MACROD2: variants seen among roughly 807,000 people sequenced by gnomAD.
MACROD2 encodes the protein mono-ADP ribosylhydrolase 2, also known as ADP-ribose glycohydrolase MACROD2.
Under a neutral mutation model 70.4 loss-of-function variants are expected in MACROD2, and 36 were observed. The ratio of observed to expected loss-of-function variants is 0.51; its 90% CI spans 0.39 to 0.68. The LOEUF is 0.68. MACROD2 is among the 30% of genes least tolerant of loss of function. The pLI, the probability that MACROD2 is intolerant of heterozygous loss-of-function variation, is 0.00. For missense variants in MACROD2, 496 were observed against 538.4 expected, an observed-to-expected ratio of 0.92 and a Z score of 0.78; for synonymous variants, 172 against 178.8, an observed-to-expected ratio of 0.96 and a Z score of 0.30.
intron 8 of MACROD2, among the ~76,000 whole-genome samples, chr20:15,561,108 G>A (rs571637549): frequency 5.5e-4 from 83 of 152,254 alleles, no homozygotes; most frequent in Non-Finnish European, 1.0e-3. Flanking sequence ...TCCTGACATG[G>A]AGGCAGTGAG....
At chr20:14,220,034 A>G (rs921418726) in intron 3 of MACROD2, among the ~76,000 whole-genome samples, 42 of 152,102 alleles carry the variant, frequency 2.8e-4, no homozygotes, top group African/African-American at 9.4e-4. Flanking sequence ...CACTTTCCAG[A>G]GAGCATCAGC....
chr20:14,007,946 A>C (rs965575398), intron 2 of MACROD2, among the ~76,000 whole-genome samples: 45 of 152,336 alleles, frequency 3.0e-4, no homozygotes, highest in Admixed American at 2.7e-3. Context: ...AAATTATAAA[A>C]TTATCTTATA....
chr20:15,026,792 C>A (rs1024029930), intron 5 of MACROD2, among the ~76,000 whole-genome samples: 1 of 152,078 alleles, frequency 6.6e-6, no homozygotes, highest in African/African-American at 2.4e-5. Flanking sequence ...CATGCCAATA[C>A]GCATTCAGAG....
At position 15,330,261 on chromosome 20, in the gene MACROD2, C is replaced by T. The variant is rs1023960621; in HGVS notation, c.540+100200C>T. The stretch of plus-strand genomic sequence containing the variant: ...CGAGCAATGGGCCAGGAAAAGACAT[C>T]TTTTCCTCCCCTACAACGTGTTTTA... On this transcript the variant is annotated intron_variant, in intron 6 of 17. Coordinates refer to ENST00000684519, the MANE Select transcript of MACROD2 (RefSeq NM_001351661.2). 2.0e-5 allele frequency among the ~76,000 whole-genome samples: 3 copies of T among 151,444 alleles called. No homozygotes were observed. In the South Asian group the frequency reaches 6.3e-4, roughly 32 times the overall value.
chr20:15,408,569 G>A lies in MACROD2; in HGVS notation c.541-22836G>A, dbSNP rs370849435. Among the ~76,000 whole-genome samples, 63 of 152,278 alleles carry A rather than the reference G, an allele frequency of 4.1e-4. 1 individual carries two copies. The South Asian group carries it at 0.01, about 25-fold the overall frequency. The stretch of plus-strand genomic sequence containing the variant: ...GTGAAGATTCCAGAAGAAGTGAATC[G>A]GAGCAAAGTCCTCACTAAATGAAAG... On this transcript the variant is annotated intron_variant, in intron 6 of 17. Coordinates refer to ENST00000684519, the MANE Select transcript of MACROD2 (RefSeq NM_001351661.2).
At chr20:14,707,087 G>A (rs1036799194) in intron 5 of MACROD2, among the ~76,000 whole-genome samples, 11 of 152,108 alleles carry the variant, frequency 7.2e-5, no homozygotes, top group Non-Finnish European at 1.5e-4. Flanking sequence ...CAGGATCCCA[G>A]ATTTTATAAA....
At chr20:14,527,625 G>A (rs2085250659) in intron 4 of MACROD2, among the ~76,000 whole-genome samples, 1 of 152,156 alleles carries the variant, frequency 6.6e-6, no homozygotes, top group Non-Finnish European at 1.5e-5. Context: ...AATACTCTGG[G>A]GACAATGTCT....
chr20:14,505,290 T>G (rs1186995794), intron 4 of MACROD2, among the ~76,000 whole-genome samples: 1 of 152,178 alleles, frequency 6.6e-6, no homozygotes, highest in African/African-American at 2.4e-5. Flanking sequence ...AGTACTAAAT[T>G]TCAACTCCCA....
chr20:14,263,473 T>TG (rs1459033038), intron 3 of MACROD2, among the ~76,000 whole-genome samples: 1 of 152,014 alleles, frequency 6.6e-6, no homozygotes, highest in Non-Finnish European at 1.5e-5. Context: ...GGGAGAGGAA[T>TG]GTCCTAGCTT....
At chr20:15,210,438 A>T (rs1477007435) in intron 5 of MACROD2, among the ~76,000 whole-genome samples, 2 of 152,160 alleles carry the variant, frequency 1.3e-5, no homozygotes, top group South Asian at 4.2e-4. Context: ...GGGCACAGTC[A>T]ATATCAAATA....
intron 5 of MACROD2, among the ~76,000 whole-genome samples, chr20:15,123,959 A>G (rs2076048512): frequency 6.6e-6 from 1 of 151,878 alleles, no homozygotes; most frequent in Admixed American, 6.6e-5. Context: ...AAACTTTCTG[A>G]CTCTCAGCTT....
intron 3 of MACROD2, among the ~76,000 whole-genome samples, chr20:14,108,917 C>G (rs1052143384): frequency 6.6e-6 from 1 of 151,994 alleles, no homozygotes; most frequent in Admixed American, 6.6e-5. Flanking sequence ...CCAAATGGAC[C>G]TATTAGATAT....
chr20:14,395,908 C>T (rs2083575357), intron 3 of MACROD2, among the ~76,000 whole-genome samples: 1 of 152,086 alleles, frequency 6.6e-6, no homozygotes, highest in African/African-American at 2.4e-5. Context: ...ATCTTTCTGT[C>T]ATGGATTTTT....
At chr20:15,403,628 A>T (rs2045959956) in intron 6 of MACROD2, among the ~76,000 whole-genome samples, 2 of 152,148 alleles carry the variant, frequency 1.3e-5, no homozygotes, top group Non-Finnish European at 2.9e-5. Flanking sequence ...ATTGTGTGTC[A>T]TGGTTCTGGG....
chr20:14,826,238 A>G (rs2072901350), intron 5 of MACROD2, among the ~76,000 whole-genome samples: 1 of 152,000 alleles, frequency 6.6e-6, no homozygotes, highest in African/African-American at 2.4e-5. Context: ...AAAAAAAATG[A>G]AACACAAGCC....
chr20:15,979,981 A>T (rs35618493), intron 13 of MACROD2, among the ~76,000 whole-genome samples: 22,379 of 152,104 alleles, frequency 0.15, 2,335 homozygotes, highest in East Asian at 0.27. Flanking sequence ...AGCTCCCCGA[A>T]TGCACAATTT....
chr20:15,031,279 T>C (rs998910438), intron 5 of MACROD2, among the ~76,000 whole-genome samples: 1 of 152,226 alleles, frequency 6.6e-6, no homozygotes, highest in East Asian at 1.9e-4. Context: ...GCCCTAGGTC[T>C]GAGCTCCCCA....
Position 14,135,690 on chromosome 20 carries a change from C to A in MACROD2, c.271+49962C>A, listed in dbSNP as rs1001916612. On this transcript the variant is annotated intron_variant, in intron 3 of 17. Coordinates refer to ENST00000684519, the MANE Select transcript of MACROD2 (RefSeq NM_001351661.2). Reference sequence around the variant, plus strand: ...GACTCTATCTCTAAAAAAAGAAAAACCATATATTCCTTTCAATAAATACAG... The same window carrying A: ...GACTCTATCTCTAAAAAAAGAAAAAACATATATTCCTTTCAATAAATACAG... Among the ~76,000 whole-genome samples the A allele has an allele frequency of 3.3e-5, 5 of 152,126 alleles. No individual in the cohort carries two copies. The South Asian group carries it at 1.0e-3, about 32-fold the overall frequency.
intron 8 of MACROD2, among the ~76,000 whole-genome samples, chr20:15,741,289 CG>C (rs1343094996): frequency 6.7e-6 from 1 of 148,158 alleles, no homozygotes; most frequent in Non-Finnish European, 1.5e-5. Flanking sequence ...TTAGTAGAAA[CG>C]GGGTTTCACC....
Sources: allele counts gnomAD v4.1 joint callset (sites outside exome capture counted in the v4.1 genomes callset), GRCh38; gene constraint gnomAD v4.1.1; transcripts MANE v1.5; gene names NCBI Gene and HGNC (gene_info 2026-07-23, HGNC 2026-07-21).